RILPL1: variants seen among roughly 807,000 people sequenced by gnomAD.
The protein encoded by RILPL1 is Rab interacting lysosomal protein like 1, also known as RILP-like protein 1.
A neutral mutation model predicts 50.3 loss-of-function variants in RILPL1; 33 were observed. The observed-to-expected ratio is 0.66, with a 90% CI of 0.50 to 0.88. The LOEUF is 0.88. RILPL1 is among the 40% of genes least tolerant of loss of function. The probability of loss-of-function intolerance (pLI) is 0.00; values close to 1 mark genes in which losing one functional copy is unlikely to be tolerated. For synonymous variants in RILPL1, 205 were observed against 228.6 expected (o/e 0.90, Z 0.93); for missense variants, 418 against 542.5 (o/e 0.77, Z 2.28).
At chr12:123,516,385 CT>C (rs1416894805) in intron 2 of RILPL1, among the ~76,000 whole-genome samples, 2 of 152,264 alleles carry the variant, frequency 1.3e-5, no homozygotes, top group Non-Finnish European at 2.9e-5. Context: ...ACATTCCAGA[CT>C]CCCCAGGGGC....
intron 2 of RILPL1, among the ~76,000 whole-genome samples, chr12:123,502,910 CAG>C (rs1434752167): frequency 3.9e-5 from 6 of 151,968 alleles, no homozygotes; most frequent in Non-Finnish European, 1.5e-5. Context: ...TTTTTTGAGA[CAG>C]AGTCTCACTG....
At chr12:123,505,683 C>T (rs1011277133) in intron 2 of RILPL1, among the ~76,000 whole-genome samples, 10 of 152,104 alleles carry the variant, frequency 6.6e-5, no homozygotes, top group African/African-American at 2.4e-4. Flanking sequence ...AGGGCAGTGG[C>T]AGGATCACAG....
intron 6 of RILPL1, chr12:123,475,318 T>G (rs545945359): frequency 2.0e-4 from 51 of 260,774 alleles, no homozygotes; most frequent in African/African-American, 1.1e-3. Context: ...ATCAAAAACA[T>G]AGGGTTAGTG....
chr12:123,494,971 G>A (rs1367603948), intron 4 of RILPL1, among the ~76,000 whole-genome samples: 1 of 152,150 alleles, frequency 6.6e-6, no homozygotes, highest in Non-Finnish European at 1.5e-5. Context: ...TTTGCGCTAA[G>A]TCACTGCCGT....
intron 1 of RILPL1, among the ~76,000 whole-genome samples, chr12:123,525,558 G>A (rs367658444): frequency 6.6e-5 from 10 of 151,410 alleles, no homozygotes; most frequent in East Asian, 5.9e-4. Context: ...AAAATTAGCC[G>A]GGTGTGGTGG....
chr12:123,527,473 CTAAAAATACAAAAAT>C (rs950180735), intron 1 of RILPL1, among the ~76,000 whole-genome samples: 1 of 151,914 alleles, frequency 6.6e-6, no homozygotes, highest in African/African-American at 2.4e-5. Context: ...ACTCTGTCTA[CTAAAAATACAAAAAT>C]TAGCTGGGCA....
intron 2 of RILPL1, among the ~76,000 whole-genome samples, chr12:123,503,696 G>T (rs1252241117): frequency 6.6e-6 from 1 of 152,008 alleles, no homozygotes; most frequent in Non-Finnish European, 1.5e-5. Flanking sequence ...AGTAAGCCAG[G>T]ATAACATCCC....
chr12:123,504,894 G>A (rs1883635552), intron 2 of RILPL1, among the ~76,000 whole-genome samples: 1 of 152,010 alleles, frequency 6.6e-6, no homozygotes. Flanking sequence ...GATGCAAAAG[G>A]CTCTCTTAAG....
At chr12:123,512,928 CTG>C (rs1210029512) in intron 2 of RILPL1, among the ~76,000 whole-genome samples, 14 of 81,130 alleles carry the variant, frequency 1.7e-4, no homozygotes, top group South Asian at 1.7e-3. Context: ...GTGGTGACAT[CTG>C]TGTGTGTGTG....
At chr12:123,475,385 T>G in intron 6 of RILPL1, 1 of 459,768 alleles carries the variant, frequency 2.2e-6, no homozygotes, top group Non-Finnish European at 4.0e-6. Flanking sequence ...AGGACCTTCT[T>G]TACTGGATCA....
rs920781523 is a variant in RILPL1, at chr12:123,484,927, G to A, written c.975-655C>T. 4 of 316,196 alleles carry A rather than the reference G, an allele frequency of 1.3e-5. 1 individual carries two copies. The highest frequency in any genetic ancestry group is 2.6e-5 in the Non-Finnish European group (4 of 156,348). The allele number at this position is 316,196 out of a possible 1,614,324, so 19.6% of individuals were successfully genotyped here. On this transcript the variant is annotated intron_variant, in intron 5 of 6. Transcript: ENST00000376874. ...GCCTGCCTCGGCCTCGCAAAGTGCTGGGATGACAGGCATGAGCCACCGCGC... is the reference window on the plus strand; with the variant it reads ...GCCTGCCTCGGCCTCGCAAAGTGCTAGGATGACAGGCATGAGCCACCGCGC...
chr12:123,523,355 C>G, intron 2 of RILPL1, 140 bp downstream of exon 2: 1 of 958,696 alleles, frequency 1.0e-6, no homozygotes, highest in South Asian at 1.5e-5. Context: ...TGGTGCAAAT[C>G]AACACAATAC....
intron 4 of RILPL1, among the ~76,000 whole-genome samples, chr12:123,496,615 T>C (rs574290766): frequency 2.0e-5 from 3 of 152,290 alleles, no homozygotes; most frequent in Admixed American, 6.5e-5. Flanking sequence ...ATTGTCCACA[T>C]TTCTATCTGT....
Position 123,533,159 on chromosome 12 carries a change from G to C in RILPL1, c.309+15C>G. On this transcript the variant is annotated intron_variant, in intron 1 of 6. Coordinates refer to ENST00000376874, the MANE Select transcript of RILPL1 (RefSeq NM_178314.5). The surrounding 1 kb of genome is among the most constrained non-coding windows in gnomAD (Gnocchi z 6.2). ...GTCCCACTGCCCGGACGGACAGACC[G>C]AGGCCGCCGCCCACCTTCTGGTGCT... 4.6e-6 allele frequency: 7 copies of C among 1,520,630 alleles called. No individual in the cohort carries two copies. The highest frequency in any genetic ancestry group is 6.2e-6 in the Non-Finnish European group (7 of 1,134,730). The allele number at this position is 1,520,630 out of a possible 1,614,324, so 94.2% of individuals were successfully genotyped here.
At chr12:123,506,158 C>A (rs1883736180) in intron 2 of RILPL1, among the ~76,000 whole-genome samples, 1 of 152,190 alleles carries the variant, frequency 6.6e-6, no homozygotes, top group South Asian at 2.1e-4. Flanking sequence ...GGGCAGGGGT[C>A]ATTTCCGCTG....
intron 3 of RILPL1, 49 bp downstream of exon 3, chr12:123,499,369 G>T: frequency 7.6e-7 from 1 of 1,312,290 alleles, no homozygotes; most frequent in Non-Finnish European, 1.1e-6. Context: ...TCTCTGGCTG[G>T]CACCTACTGG....
At chr12:123,516,033 C>CAAAAAAAAAAAAAAAAAAAAAAAAA (rs749657516) in intron 2 of RILPL1, among the ~76,000 whole-genome samples, 3 of 36,192 alleles carry the variant, frequency 8.3e-5, no homozygotes, top group African/African-American at 1.9e-4. Context: ...GACTCTGTCT[C>CAAAAAAAAAAAAAAAAAAAAAAAAA]AAAAAAAAAA....
At chr12:123,490,955 G>A (rs957655883) in intron 4 of RILPL1, among the ~76,000 whole-genome samples, 1 of 152,050 alleles carries the variant, frequency 6.6e-6, no homozygotes, top group Admixed American at 6.6e-5. Flanking sequence ...TCGCCATGTT[G>A]GCCAGGCTGG....
chr12:123,515,659 C>A (rs971625048), intron 2 of RILPL1: 2 of 151,726 alleles, frequency 1.3e-5, no homozygotes, highest in Non-Finnish European at 2.9e-5. Flanking sequence ...ACCAGGTTGG[C>A]CAGGATGGTC....
Sources: gnomAD v4.1 joint callset for allele counts (sites outside exome capture counted in the v4.1 genomes callset) on GRCh38, gnomAD v4.1.1 for gene constraint, Gnocchi (gnomAD v3.1) non-coding constraint, MANE v1.5 for transcripts, NCBI Gene and HGNC (gene_info 2026-07-23, HGNC 2026-07-21) for gene names.